EPM2A: variants seen among roughly 807,000 people sequenced by gnomAD.
EPM2A encodes the protein EPM2A glucan phosphatase, laforin, also known as laforin.
EPM2A carries 21 observed loss-of-function variants against 26.5 expected under a neutral mutation model. The observed-to-expected ratio is 0.79, with a 90% confidence interval of 0.56 to 1.14. The LOEUF is 1.14. Ranked by LOEUF, EPM2A falls within the 50% of genes most tolerant of loss-of-function variation. The probability of loss-of-function intolerance (pLI) is 0.00; values close to 1 mark genes in which losing one functional copy is unlikely to be tolerated. For synonymous variants in EPM2A, 217 were observed against 177.6 expected (o/e 1.22, Z -1.76); for missense variants, 458 against 440.8 (o/e 1.04, Z -0.35).
chr6:145,555,544 T>G (rs1243175280), intron 2 of EPM2A, among the ~76,000 whole-genome samples: 1 of 152,114 alleles, frequency 6.6e-6, no homozygotes, highest in Non-Finnish European at 1.5e-5. Context: ...AATGAAACTC[T>G]AGGCCAAAAT....
intron 1 of EPM2A, among the ~76,000 whole-genome samples, chr6:145,732,236 T>TGTGTGTGTGTGTGTGTGTGTGC (rs374032616): frequency 7.6e-6 from 1 of 132,146 alleles, no homozygotes; most frequent in African/African-American, 2.8e-5. Context: ...TGTGTGTGTG[T>TGTGTGTGTGTGTGTGTGTGTGC]GCGCGCCAAA....
rs71552932 is a variant in EPM2A at position 145,525,215 on chromosome 6, TTTTATTTATTTATTTA to T, written c.341-22656_341-22641del. On this transcript the variant is annotated intron_variant, in intron 2 of 3. Transcript: ENST00000450221. The stretch of plus-strand genomic sequence containing the variant: ...AGCTGGGTTAATGTGATGCCTTCAA[TTTTATTTATTTATTTA>T]TTTATTTATTTATTTATTTATTTAT... Among the ~76,000 whole-genome samples, 63 of 147,076 alleles carry T rather than the reference TTTTATTTATTTATTTA, an allele frequency of 4.3e-4. No individual in the cohort carries two copies. The South Asian group carries it at 8.0e-3, about 19-fold the overall frequency.
chr6:145,588,040 A>G (rs1289835307), intron 2 of EPM2A, among the ~76,000 whole-genome samples: 1 of 152,164 alleles, frequency 6.6e-6, no homozygotes, highest in Non-Finnish European at 1.5e-5. Flanking sequence ...TTTATAAAGG[A>G]CACACTTATC....
At chr6:145,698,219 G>A (rs995332376) in intron 1 of EPM2A, among the ~76,000 whole-genome samples, 1 of 152,164 alleles carries the variant, frequency 6.6e-6, no homozygotes, top group Admixed American at 6.5e-5. Flanking sequence ...ATGCTTATGA[G>A]AACATAGACA....
rs184017740 is a variant in EPM2A, at chr6:145,577,642, T to C, written c.340+57603A>G. The stretch of plus-strand genomic sequence containing the variant: ...TTCACTTTTGGCTTTGGACAGATTA[T>C]ATAGACAGAAATTCAACAAAGAAAC... On this transcript the variant is annotated intron_variant, in intron 2 of 3. Transcript: ENST00000450221. Among the ~76,000 whole-genome samples, 60 of 151,570 alleles carry C rather than the reference T, an allele frequency of 4.0e-4. 2 individuals are homozygous for C. The highest frequency in any genetic ancestry group is 3.8e-3 in the Admixed American group (58 of 15,246).
chr6:145,512,440 C>T (rs747088944), intron 2 of EPM2A, among the ~76,000 whole-genome samples: 11 of 152,034 alleles, frequency 7.2e-5, no homozygotes, highest in Non-Finnish European at 1.6e-4. Context: ...CCAGGCCGGG[C>T]GTGGTGGCTC....
At chr6:145,551,305 C>G (rs555128831) in intron 2 of EPM2A, among the ~76,000 whole-genome samples, 2 of 152,068 alleles carry the variant, frequency 1.3e-5, no homozygotes, top group African/African-American at 4.8e-5. Flanking sequence ...AACAGTAAGT[C>G]TGAGTGGTTG....
chr6:145,413,587 C>T (rs955810404), intron 4 of EPM2A, among the ~76,000 whole-genome samples: 18 of 152,082 alleles, frequency 1.2e-4, no homozygotes, highest in Middle Eastern at 3.4e-3. Flanking sequence ...TCAGGGTGAC[C>T]GTGCAATCAT....
intron 4 of EPM2A, among the ~76,000 whole-genome samples, chr6:145,441,231 A>G (rs994859859): frequency 6.6e-6 from 1 of 152,330 alleles, no homozygotes; most frequent in Non-Finnish European, 1.5e-5. Flanking sequence ...GCCATGGCCC[A>G]ACTTGTACTT....
chr6:145,622,549 A>T (rs751958453), downstream of EPM2A, among the ~76,000 whole-genome samples: 30 of 152,240 alleles, frequency 2.0e-4, no homozygotes, highest in Non-Finnish European at 2.8e-4. Flanking sequence ...GCCCAATTCA[A>T]TGTGGCTGCC....
intron 2 of EPM2A, among the ~76,000 whole-genome samples, chr6:145,612,295 T>C (rs1775407749): frequency 6.6e-6 from 1 of 152,104 alleles, no homozygotes; most frequent in African/African-American, 2.4e-5. Flanking sequence ...GGATGAAAAT[T>C]TAAAATAAGA....
intron 4 of EPM2A, among the ~76,000 whole-genome samples, chr6:145,452,047 GTTC>G (rs1470576774): frequency 6.6e-6 from 1 of 152,002 alleles, no homozygotes; most frequent in Non-Finnish European, 1.5e-5. Context: ...ACAGCCCTTC[GTTC>G]TTCTTTGGTC....
At chr6:145,502,407 A>G in intron 3 of EPM2A, 1 of 417,444 alleles carries the variant, frequency 2.4e-6, no homozygotes, top group Non-Finnish European at 4.8e-6. Flanking sequence ...GAAGTGAGCC[A>G]TAGAGCAGTG....
chr6:145,690,783 T>C (rs1583062848), intron 1 of EPM2A, among the ~76,000 whole-genome samples: 1 of 151,900 alleles, frequency 6.6e-6, no homozygotes, highest in South Asian at 2.1e-4. Context: ...GTCTCAGCAA[T>C]GGAATGGAAG....
At chr6:145,534,269 G>A (rs1448662236) in intron 2 of EPM2A, among the ~76,000 whole-genome samples, 2 of 152,184 alleles carry the variant, frequency 1.3e-5, no homozygotes, top group East Asian at 3.8e-4. Context: ...ATGGGGTCAT[G>A]CATGAAACAA....
chr6:145,554,418 T>C (rs1341260362), intron 2 of EPM2A, among the ~76,000 whole-genome samples: 6 of 143,004 alleles, frequency 4.2e-5, no homozygotes, highest in Non-Finnish European at 3.1e-5. Context: ...GAGAGATAGA[T>C]AGATGATAGA....
chr6:145,441,873 CAAAACAAAAACA>C (rs988533115), intron 4 of EPM2A, among the ~76,000 whole-genome samples: 3 of 151,994 alleles, frequency 2.0e-5, no homozygotes. Context: ...AAAACAACAA[CAAAACAAAAACA>C]AAAACAAAAA....
intron 2 of EPM2A, among the ~76,000 whole-genome samples, chr6:145,525,734 T>C (rs542454828): frequency 1.3e-5 from 2 of 152,230 alleles, no homozygotes; most frequent in Admixed American, 6.5e-5. Flanking sequence ...AATAATATTT[T>C]CCGTGAGGAG....
At chr6:145,466,003 A>T (rs1451178925) in intron 4 of EPM2A, among the ~76,000 whole-genome samples, 15 of 152,088 alleles carry the variant, frequency 9.9e-5, no homozygotes. Context: ...TGGATTAAAG[A>T]CTTAAAGGTT....
Sources: gnomAD v4.1 joint callset for allele counts (sites outside exome capture counted in the v4.1 genomes callset) on GRCh38, gnomAD v4.1.1 for gene constraint, MANE v1.5 for transcripts, NCBI Gene and HGNC (gene_info 2026-07-23, HGNC 2026-07-21) for gene names.